Variants in MAP4K5 observed in about 807,000 individuals in gnomAD.
MAP4K5 encodes the protein mitogen-activated protein kinase kinase kinase kinase 5.
In MAP4K5, 82 loss-of-function variants were observed where a neutral mutation model predicts 135.6. That is an observed-to-expected ratio of 0.60 (90% confidence interval 0.51 to 0.73). MAP4K5 has a LOEUF of 0.73. Ranked by LOEUF, MAP4K5 falls within the 30% of genes least tolerant of loss-of-function variation. The probability of loss-of-function intolerance (pLI) is 0.00; values close to 1 mark genes in which losing one functional copy is unlikely to be tolerated. For missense variants in MAP4K5, 907 were observed against 1,010.9 expected, an observed-to-expected ratio of 0.90 and a Z score of 1.39; for synonymous variants, 347 against 335.0, an observed-to-expected ratio of 1.04 and a Z score of -0.39.
At chr14:50,497,610 G>T (rs1381249521) in intron 3 of MAP4K5, among the ~76,000 whole-genome samples, 1 of 152,066 alleles carries the variant, frequency 6.6e-6, no homozygotes, top group Admixed American at 6.6e-5. Context: ...TTAAACCTCC[G>T]TATAGTTCCT....
At chr14:50,540,229 G>T (rs1198600558) in intron 2 of MAP4K5, among the ~76,000 whole-genome samples, 1 of 152,108 alleles carries the variant, frequency 6.6e-6, no homozygotes, top group Admixed American at 6.6e-5. Context: ...AAGGATAGGT[G>T]GTGCTATCCT....
chr14:50,494,423 C>T (rs1045185562), intron 3 of MAP4K5, among the ~76,000 whole-genome samples: 13 of 152,078 alleles, frequency 8.5e-5, no homozygotes, highest in Non-Finnish European at 1.6e-4. Context: ...ACTTCAGCCT[C>T]CCAAAGTGCT....
intron 8 of MAP4K5, among the ~76,000 whole-genome samples, 159 bp from the exon 9 acceptor site, chr14:50,475,308 C>G (rs1433959867): frequency 6.6e-6 from 1 of 151,924 alleles, no homozygotes; most frequent in Non-Finnish European, 1.5e-5. Context: ...TAGTTCACAA[C>G]ATACTTATTA....
In MAP4K5 at chr14:50,515,717, T is replaced by A. The variant is rs184741997; in HGVS notation, c.109-10860A>T. On this transcript the variant is annotated intron_variant, in intron 2 of 32. Coordinates refer to ENST00000682126, the MANE Select transcript of MAP4K5 (RefSeq NM_006575.6). ...CCACTTTTTATAAGAACTATTCCACTCCTCTTGCTTCAAACTTTCAATGAT... is the reference window on the plus strand; with the variant it reads ...CCACTTTTTATAAGAACTATTCCACACCTCTTGCTTCAAACTTTCAATGAT... Among the ~76,000 whole-genome samples the A allele has an allele frequency of 2.6e-5, 4 of 152,284 alleles. No individual in the cohort carries two copies. The East Asian group carries it at 7.7e-4, about 29-fold the overall frequency.
At chr14:50,478,891 A>C (rs1332418476) in intron 6 of MAP4K5, among the ~76,000 whole-genome samples, 1 of 152,080 alleles carries the variant, frequency 6.6e-6, no homozygotes, top group Non-Finnish European at 1.5e-5. Flanking sequence ...ATTTCTAACA[A>C]TAAATATTCC....
rs368073265 is a variant in MAP4K5, at chr14:50,456,790, T to A, written c.937-196A>T. The A allele has an allele frequency of 4.9e-5, 23 of 466,464 alleles. No individual in the cohort carries two copies. The highest frequency in any genetic ancestry group is 2.5e-4 in the East Asian group (7 of 27,794). 28.9% of individuals were successfully genotyped at this position (466,464 alleles called of 1,614,324 possible). A position where few individuals can be genotyped will look rare whatever the true frequency, so the allele number is the denominator to read the frequency against. Reference sequence around the variant, plus strand: ...TCCATGTTTATACTGTATAAAATACTGAAGAGATTCAAAGACAGACACAAA... The same window carrying A: ...TCCATGTTTATACTGTATAAAATACAGAAGAGATTCAAAGACAGACACAAA... On this transcript the variant is annotated intron_variant, in intron 13 of 32. Coordinates refer to ENST00000682126, the MANE Select transcript of MAP4K5 (RefSeq NM_006575.6).
chr14:50,434,968 C>A lies in MAP4K5; in HGVS notation c.1980G>T (p.Leu660Phe), dbSNP rs768879870. The change falls in exon 27 of 33, where the codon TTG becomes TTT. Residue 660 changes from leucine to phenylalanine, a missense_variant. Transcript: ENST00000682126. ...QWYEPMQKFM[L>F]IKHFDFPLPS... ...TGAACAAAATAATATATACCTTTATCAACATGAATTTCTGCATTGGCTCAT... is the reference window on the plus strand; with the variant it reads ...TGAACAAAATAATATATACCTTTATAAACATGAATTTCTGCATTGGCTCAT... 7 of 1,593,580 alleles carry A rather than the reference C, an allele frequency of 4.4e-6. No individual in the cohort carries two copies. Among genetic ancestry groups the A allele is most frequent in the Non-Finnish European group, 6.0e-6 (7 of 1,164,170 alleles).
At chr14:50,553,369 ATAAGGG>A (rs1363932577) in intron 1 of MAP4K5, among the ~76,000 whole-genome samples, 1 of 152,078 alleles carries the variant, frequency 6.6e-6, no homozygotes, top group Non-Finnish European at 1.5e-5. Flanking sequence ...CAAAATCACT[ATAAGGG>A]AAATGCAAAT....
chr14:50,462,593 A>AG lies in MAP4K5; in HGVS notation c.936+71dup. On this transcript the variant is annotated intron_variant, in intron 13 of 32. Transcript: ENST00000682126. ...GTTAAAAGATAGACTCAGAAAACAA[A>AG]GAAAAAAAAGCAAACTTTAAGGCCT... 3.0e-6 allele frequency: 3 copies of AG among 1,014,544 alleles called. No individual in the cohort carries two copies. In the South Asian group the frequency reaches 4.2e-5, roughly 14 times the overall value. The allele number at this position is 1,014,544 out of a possible 1,614,324, so 62.8% of individuals were successfully genotyped here.
chr14:50,429,590 C>T (rs2035925755), intron 28 of MAP4K5, among the ~76,000 whole-genome samples: 1 of 152,120 alleles, frequency 6.6e-6, no homozygotes, highest in Non-Finnish European at 1.5e-5. Context: ...TACACAATGG[C>T]TCGATTTTGC....
intron 1 of MAP4K5, among the ~76,000 whole-genome samples, chr14:50,549,235 G>C (rs1208776111): frequency 6.6e-6 from 1 of 152,114 alleles, no homozygotes; most frequent in Non-Finnish European, 1.5e-5. Context: ...CAACACCAAT[G>C]GTCAGTGGTC....
At chr14:50,509,508 TGTAACAGAAG>T (rs1284964821) in intron 2 of MAP4K5, among the ~76,000 whole-genome samples, 1 of 152,194 alleles carries the variant, frequency 6.6e-6, no homozygotes, top group Non-Finnish European at 1.5e-5. Flanking sequence ...TAATTTTCAA[TGTAACAGAAG>T]GTGAACTATT....
intron 21 of MAP4K5, among the ~76,000 whole-genome samples, chr14:50,441,698 C>T (rs1306430465): frequency 6.6e-6 from 1 of 150,898 alleles, no homozygotes; most frequent in Non-Finnish European, 1.5e-5. Context: ...GAAGTCCAGC[C>T]TGGGCAACAG....
intron 2 of MAP4K5, among the ~76,000 whole-genome samples, chr14:50,520,949 A>T (rs1056428407): frequency 1.3e-5 from 2 of 151,596 alleles, no homozygotes; most frequent in Non-Finnish European, 2.9e-5. Flanking sequence ...CAGCCTCCCA[A>T]GTAGTTGGGA....
chr14:50,545,021 G>C (rs1313314876), intron 1 of MAP4K5, among the ~76,000 whole-genome samples: 1 of 151,230 alleles, frequency 6.6e-6, no homozygotes, highest in African/African-American at 2.4e-5. Flanking sequence ...TGTGTCCACT[G>C]CTTGAACTCG....
At chr14:50,443,614 C>G (rs1336472614) in intron 20 of MAP4K5, 115 bp downstream of exon 20, 1 of 826,058 alleles carries the variant, frequency 1.2e-6, no homozygotes, top group Non-Finnish European at 1.8e-6. Flanking sequence ...CATTCAATAT[C>G]TTTGTATTTT....
chr14:50,465,552 G>C (rs2036812898), intron 11 of MAP4K5, among the ~76,000 whole-genome samples: 1 of 152,144 alleles, frequency 6.6e-6, no homozygotes, highest in African/African-American at 2.4e-5. Flanking sequence ...AAGGAAGAGA[G>C]GGAAAAACCA....
At chr14:50,460,555 T>TA (rs1316212509) in intron 13 of MAP4K5, among the ~76,000 whole-genome samples, 1 of 152,224 alleles carries the variant, frequency 6.6e-6, no homozygotes, top group African/African-American at 2.4e-5. Flanking sequence ...TTTGGATCTT[T>TA]AAACAATTAA....
At position 50,545,941 on chromosome 14, in the gene MAP4K5, C is replaced by T. The variant is rs542092747; in HGVS notation, c.-179-3357G>A. Among the ~76,000 whole-genome samples the T allele has an allele frequency of 8.8e-4, 134 of 152,296 alleles. 2 individuals are homozygous for T. Among genetic ancestry groups the T allele is most frequent in the Admixed American group, 2.3e-3 (35 of 15,300 alleles). ...CACCTTCAGCTATAGTTCATCAGAT[C>T]TTCTGAAGCTCTCTATTTCTCTCTT... On this transcript the variant is annotated intron_variant, in intron 1 of 8. Coordinates refer to the MAP4K5 transcript ENST00000555216.
Sources: allele counts gnomAD v4.1 joint callset (sites outside exome capture counted in the v4.1 genomes callset), GRCh38; gene constraint gnomAD v4.1.1; transcripts MANE v1.5; gene names NCBI Gene and HGNC (gene_info 2026-07-23, HGNC 2026-07-21).